Variants in NUP155 observed in about 807,000 individuals in gnomAD.
NUP155 encodes the protein nuclear pore complex protein Nup155.
NUP155 carries 71 observed loss-of-function variants against 180.4 expected under a neutral mutation model. The observed-to-expected ratio is 0.39, with a 90% CI of 0.33 to 0.48. NUP155 has a LOEUF of 0.48. Among genes scored for constraint, NUP155 ranks in the 20% least tolerant of loss-of-function variants. NUP155 has a pLI of 0.91. For synonymous variants in NUP155, 582 were observed against 559.5 expected (o/e 1.04, Z -0.57); for missense variants, 1,553 against 1,648.9 (o/e 0.94, Z 1.01).
chr5:37,322,135 T>A (rs1199764314), intron 20 of NUP155, among the ~76,000 whole-genome samples: 2 of 152,092 alleles, frequency 1.3e-5, no homozygotes, highest in Non-Finnish European at 2.9e-5. Context: ...ATTACAGGCA[T>A]CAGCCATCAC....
chr5:37,335,275 G>A lies in NUP155; in HGVS notation c.1348-1642C>T, dbSNP rs1031370894. 3.3e-5 allele frequency among the ~76,000 whole-genome samples: 5 copies of A among 149,830 alleles called. No individual in the cohort carries two copies. In the South Asian group the frequency reaches 6.3e-4, roughly 19 times the overall value. Reference sequence around the variant, plus strand: ...GTGTGCCTGTATTCCCAGCAACTCAGAAGGCTGAGGTAGGAGGATTGCTTG... The same window carrying A: ...GTGTGCCTGTATTCCCAGCAACTCAAAAGGCTGAGGTAGGAGGATTGCTTG... On this transcript the variant is annotated intron_variant, in intron 12 of 34. Transcript: ENST00000231498.
Position 37,309,150 on chromosome 5 carries a change from C to G in NUP155, c.2746G>C (p.Val916Leu), listed in dbSNP as rs757577737. ...TCACCTTGTCTATACTGAGCACAAACATTGGAAAGGTCCACTTGATTGCTA... is the reference window on the plus strand; with the variant it reads ...TCACCTTGTCTATACTGAGCACAAAGATTGGAAAGGTCCACTTGATTGCTA... ...KISNQVDLSNVCAQYRQVRFY... is the reference protein window; with the variant it reads ...KISNQVDLSNLCAQYRQVRFY... Residue 916 changes from valine (V) to leucine (L), a missense_variant, in exon 24 of 35, where the codon GTT (valine) becomes CTT (leucine). Coordinates refer to ENST00000231498, the MANE Select transcript of NUP155 (RefSeq NM_153485.3). The G allele has an allele frequency of 6.2e-6, 10 of 1,613,568 alleles. No individual in the cohort carries two copies. Among genetic ancestry groups the G allele is most frequent in the Non-Finnish European group, 7.6e-6 (9 of 1,179,806 alleles).
At chr5:37,319,632 A>G (rs888198830) in intron 20 of NUP155, among the ~76,000 whole-genome samples, 2 of 152,146 alleles carry the variant, frequency 1.3e-5, no homozygotes, top group Non-Finnish European at 2.9e-5. Flanking sequence ...TTTTGAGGCC[A>G]AGACAGGAGG....
At chr5:37,359,141 TTATA>T (rs35639229) in intron 3 of NUP155, among the ~76,000 whole-genome samples, 22 of 149,214 alleles carry the variant, frequency 1.5e-4, no homozygotes, top group African/African-American at 5.4e-4. Flanking sequence ...TATGAAAAAT[TTATA>T]TATATATATA....
chr5:37,307,534 C>T, intron 24 of NUP155, 102 bp from the exon 25 acceptor site: 2 of 1,095,914 alleles, frequency 1.8e-6, no homozygotes, highest in South Asian at 1.3e-5. Context: ...TATGTCTCTA[C>T]TGTACAATAG....
At chr5:37,293,594 C>T (rs984501921) in intron 33 of NUP155, among the ~76,000 whole-genome samples, 4 of 152,184 alleles carry the variant, frequency 2.6e-5, no homozygotes, top group Non-Finnish European at 5.9e-5. Context: ...ATAAAAATTA[C>T]AAAACATATA....
intron 14 of NUP155, 127 bp downstream of exon 14, chr5:37,331,558 G>C: frequency 2.1e-6 from 1 of 474,910 alleles, no homozygotes; most frequent in Middle Eastern, 6.0e-4. Flanking sequence ...TGGGCAACAA[G>C]AGCGAAACTC....
intron 9 of NUP155, among the ~76,000 whole-genome samples, chr5:37,345,276 C>A (rs1405023342): frequency 1.3e-5 from 2 of 151,920 alleles, no homozygotes; most frequent in Admixed American, 1.3e-4. Context: ...GAGGCTGAGA[C>A]ATGCGGATTG....
chr5:37,339,064 T>C (rs545455482), intron 11 of NUP155, among the ~76,000 whole-genome samples: 2 of 152,060 alleles, frequency 1.3e-5, no homozygotes, highest in East Asian at 1.9e-4. Flanking sequence ...CAGAGATAAG[T>C]GTACTATAGA....
chr5:37,358,215 A>G, intron 3 of NUP155, 64 bp from the exon 4 acceptor site: 1 of 1,151,232 alleles, frequency 8.7e-7, no homozygotes, highest in Non-Finnish European at 1.3e-6. Flanking sequence ...GTGGTGGCTC[A>G]TGTCTTTAAT....
At chr5:37,327,881 A>C in intron 17 of NUP155, 105 bp from the exon 18 acceptor site, 1 of 1,310,942 alleles carries the variant, frequency 7.6e-7, no homozygotes, top group Non-Finnish European at 1.1e-6. Flanking sequence ...CTTAGAACCC[A>C]TAAAATTCAG....
chr5:37,371,012 T>A lies in NUP155; in HGVS notation c.-35A>T. ...CGTAGACACCAGGGTCCAGAAAAAG[T>A]CAAAAACCAAGGAGAAACAAGAAAA... On this transcript the variant is annotated 5_prime_UTR_variant, in exon 1 of 35. Transcript: ENST00000231498. The A allele has an allele frequency of 1.2e-6, 2 of 1,607,242 alleles. No individual in the cohort carries two copies. Among genetic ancestry groups the A allele is most frequent in the Non-Finnish European group, 1.7e-6 (2 of 1,175,494 alleles).
chr5:37,319,595 A>G (rs1407208522), intron 20 of NUP155, among the ~76,000 whole-genome samples: 1 of 152,234 alleles, frequency 6.6e-6, no homozygotes, highest in Non-Finnish European at 1.5e-5. Context: ...CTGAGTGCGG[A>G]TGGCTCATGC....
intron 9 of NUP155, among the ~76,000 whole-genome samples, chr5:37,346,650 G>T (rs1210874998): frequency 6.6e-6 from 1 of 151,528 alleles, no homozygotes; most frequent in Non-Finnish European, 1.5e-5. Flanking sequence ...CAGCCTGGGG[G>T]ACAAGAGTGA....
At chr5:37,346,407 C>CA (rs1449029304) in intron 9 of NUP155, among the ~76,000 whole-genome samples, 1 of 152,140 alleles carries the variant, frequency 6.6e-6, no homozygotes, top group East Asian at 1.9e-4. Flanking sequence ...TGCAGTGGCT[C>CA]ACGCCTGTAA....
intron 20 of NUP155, 72 bp downstream of exon 20, chr5:37,323,920 G>A (rs951953970): frequency 6.8e-6 from 7 of 1,034,566 alleles, no homozygotes; most frequent in Non-Finnish European, 9.0e-6. Flanking sequence ...CAACTTTGTA[G>A]TATGTAAATC....
chr5:37,310,650 A>G lies in NUP155; in HGVS notation c.2530T>C (p.Cys844Arg). ...ACAGCGGCATTATCTCTGATGTAGC[A>G]GTTGATAAGAGAAGCAATTAATGCC... Reference protein sequence around the residue: ...TGALIASLINCYIRDNAAVDG... With the variant: ...TGALIASLINRYIRDNAAVDG... The change falls in exon 23 of 35, where the codon TGC becomes CGC. Residue 844 changes from cysteine (C) to arginine (R), a missense_variant. Cys to Arg is a radical substitution (Grantham distance 180). Transcript: ENST00000231498. 6.2e-7 allele frequency: 1 copy of G among 1,613,544 alleles called. No homozygotes were observed. Among genetic ancestry groups the G allele is most frequent in the Non-Finnish European group, 8.5e-7 (1 of 1,179,546 alleles).
intron 21 of NUP155, among the ~76,000 whole-genome samples, chr5:37,317,185 AAATAAAATAAAGTAAAAATGG>A (rs1412114349): frequency 6.0e-5 from 9 of 149,330 alleles, no homozygotes; most frequent in Non-Finnish European, 1.3e-4. Context: ...ATAAATAAAT[AAATAAAATAAAGTAAAAATGG>A]GGCTGGGCAC....
Position 37,291,688 on chromosome 5 carries a change from C to T in NUP155, c.*212G>A. On this transcript the variant is annotated 3_prime_UTR_variant, in exon 35 of 35. Transcript: ENST00000231498. ...GTTAAAATAATAAATAATCTCATTT[C>T]AGTTGTTTTTTCACCCAATTACTAA... is the stretch of plus-strand genomic sequence containing the variant. The T allele has an allele frequency of 2.3e-6, 1 of 442,794 alleles. No individual in the cohort carries two copies. The highest frequency in any genetic ancestry group is 4.0e-6 in the Non-Finnish European group (1 of 246,948). The allele number at this position is 442,794 out of a possible 1,614,324, so 27.4% of individuals were successfully genotyped here. A position where few individuals can be genotyped will look rare whatever the true frequency, so the allele number is the denominator to read the frequency against.
Sources: gnomAD v4.1 joint callset for allele counts (sites outside exome capture counted in the v4.1 genomes callset) on GRCh38, gnomAD v4.1.1 for gene constraint, MANE v1.5 for transcripts, NCBI Gene and HGNC (gene_info 2026-07-23, HGNC 2026-07-21) for gene names.